Variants in USH2A observed in about 807,000 individuals in gnomAD.
The protein encoded by USH2A is Usher syndrome 2A (autosomal recessive, mild).
In USH2A, 443 loss-of-function variants were observed where a neutral mutation model predicts 538.9. That is an observed-to-expected ratio of 0.82 (90% CI 0.76 to 0.89). The LOEUF is 0.89. Ranked by LOEUF, USH2A falls within the 40% of genes least tolerant of loss-of-function variation. USH2A has a pLI of 0.00. For synonymous variants in USH2A, 2,413 were observed against 2,273.5 expected (o/e 1.06, Z -1.75); for missense variants, 6,633 against 6,324.8 (o/e 1.05, Z -1.65).
At chr1:216,165,267 A>G (rs929203424) in intron 21 of USH2A, among the ~76,000 whole-genome samples, 2 of 152,150 alleles carry the variant, frequency 1.3e-5, no homozygotes, top group Non-Finnish European at 2.9e-5. Context: ...AAAAGTGTCA[A>G]AATATTCATT....
intron 41 of USH2A, among the ~76,000 whole-genome samples, chr1:215,886,249 T>G (rs1665052942): frequency 6.6e-6 from 1 of 152,208 alleles, no homozygotes. Context: ...ATATAAAATA[T>G]TTTCTATTTG....
In USH2A at chr1:215,673,950, T is replaced by A. The variant is rs1657905264; in HGVS notation, c.13811+150A>T. 2.9e-6 allele frequency: 4 copies of A among 1,356,042 alleles called. No individual in the cohort carries two copies. In the Admixed American group the frequency reaches 5.5e-5, roughly 19 times the overall value. 84.0% of individuals were successfully genotyped at this position (1,356,042 alleles called of 1,614,324 possible). On this transcript the variant is annotated intron_variant, in intron 63 of 71. Coordinates refer to ENST00000307340, the MANE Select transcript of USH2A (RefSeq NM_206933.4). ...AGCAGGCTTTGCTTGGGTGAGGATG[T>A]GCTTTGTCTACTATGCACGTTTAGG...
At chr1:215,917,806 A>C in intron 38 of USH2A, among the ~76,000 whole-genome samples, 1 of 122,308 alleles carries the variant, frequency 8.2e-6, no homozygotes, top group African/African-American at 3.1e-5. Flanking sequence ...AAAAAAAAAA[A>C]TACAAAATTA....
intron 21 of USH2A, among the ~76,000 whole-genome samples, chr1:216,108,109 T>A (rs1283185821): frequency 1.3e-5 from 2 of 151,834 alleles, no homozygotes; most frequent in Non-Finnish European, 3.0e-5. Context: ...CACACTTGAG[T>A]TATTATTGGT....
intron 20 of USH2A, among the ~76,000 whole-genome samples, chr1:216,183,980 G>C (rs536408895): frequency 6.6e-6 from 1 of 152,070 alleles, no homozygotes; most frequent in South Asian, 2.1e-4. Context: ...AATAATTTCT[G>C]TTGAAAGAGC....
intron 4 of USH2A, among the ~76,000 whole-genome samples, chr1:216,347,655 T>G (rs2038204842): frequency 6.6e-6 from 1 of 152,188 alleles, no homozygotes; most frequent in Non-Finnish European, 1.5e-5. Context: ...TGACTTAGTG[T>G]ACATTATCAG....
intron 3 of USH2A, among the ~76,000 whole-genome samples, chr1:216,416,640 T>G (rs2039581549): frequency 6.6e-6 from 1 of 152,130 alleles, no homozygotes; most frequent in Non-Finnish European, 1.5e-5. Context: ...TGACATGTAT[T>G]GAAATGATAA....
rs1229367082 is a variant in USH2A at position 215,999,010 on chromosome 1, TA to T, written c.6533del (p.Leu2178TyrfsTer51). 1 of 1,612,794 alleles carries T rather than the reference TA, an allele frequency of 6.2e-7. No individual in the cohort carries two copies. Among genetic ancestry groups the T allele is most frequent in the Admixed American group, 1.7e-5 (1 of 59,960 alleles). On this transcript the variant is annotated frameshift_variant, in exon 34 of 72. Transcript: ENST00000307340. LOFTEE classifies it high-confidence loss of function. ...KISGILERYV[L>X]YMSNHTHDFT... is the part of the protein sequence containing the mutation. ...AATCATGTGTATGGTTTGACATATA[TA>T]ATACATAGCGTTCCAGAATCCCACT...
rs771552333 is a variant in USH2A, at chr1:216,190,288, A to G, written c.4331T>C (p.Ile1444Thr). Residue 1444 changes from isoleucine (I) to threonine (T), a missense_variant, in exon 20 of 72, where the codon ATT becomes ACT. Ile to Thr is a moderately conservative substitution (Grantham distance 89). Coordinates refer to ENST00000307340, the MANE Select transcript of USH2A (RefSeq NM_206933.4). The stretch of plus-strand genomic sequence containing the variant: ...ACAACCAACTGAATTGCAGAGAGTA[A>G]TAGTAAACTCATATATCCTATAAGG... ...LKPYRIYEFTITLCNSVGCVT... is the reference protein window; with the variant it reads ...LKPYRIYEFTTTLCNSVGCVT... 6.2e-7 allele frequency: 1 copy of G among 1,612,702 alleles called. No individual in the cohort carries two copies. Among genetic ancestry groups the G allele is most frequent in the South Asian group, 1.1e-5 (1 of 91,066 alleles).
chr1:216,343,320 T>G (rs2038111696), intron 4 of USH2A, among the ~76,000 whole-genome samples: 1 of 142,618 alleles, frequency 7.0e-6, no homozygotes, highest in South Asian at 2.2e-4. Flanking sequence ...GTGGCTGAGG[T>G]AGGAGGATTG....
Position 216,325,361 on chromosome 1 carries a change from T to C in USH2A, c.1087A>G (p.Thr363Ala), listed in dbSNP as rs1392342765. The C allele has an allele frequency of 2.5e-6, 4 of 1,613,820 alleles. No individual in the cohort carries two copies. The highest frequency in any genetic ancestry group is 1.7e-5 in the Admixed American group (1 of 59,966). ...SWVSNVFTNI[T>A]QLNQGVTISV... ...ATAGTCACTCCTTGATTAAGCTGTG[T>C]AATGTTTGTAAACACATTTGAAACC... The change falls in exon 6 of 72, where the codon ACA becomes GCA. Residue 363 changes from threonine to alanine, a missense_variant. Thr to Ala is a moderately conservative substitution (Grantham distance 58). Coordinates refer to ENST00000307340, the MANE Select transcript of USH2A (RefSeq NM_206933.4).
Position 215,647,553 on chromosome 1 carries a change from G to C in USH2A, c.14760C>G (p.Ser4920=), listed in dbSNP as rs778669346. ...VAHNEVGSTA[S]EWISFTTQKE... is the part of the protein sequence containing the mutation. ...TTTGGGTGGTGAAACTGATCCACTCGGAAGCCGTACTGCCCACCTCGTTGT... is the reference window on the plus strand; with the variant it reads ...TTTGGGTGGTGAAACTGATCCACTCCGAAGCCGTACTGCCCACCTCGTTGT... Residue 4920 remains serine (S), a synonymous_variant, in exon 67 of 72, where the codon TCC becomes TCG. Transcript: ENST00000307340. The C allele has an allele frequency of 4.3e-6, 7 of 1,614,046 alleles. 1 individual carries two copies. The South Asian group carries it at 7.7e-5, about 18-fold the overall frequency.
intron 61 of USH2A, among the ~76,000 whole-genome samples, chr1:215,724,302 CT>C (rs1659748575): frequency 6.6e-6 from 1 of 151,944 alleles, no homozygotes; most frequent in African/African-American, 2.4e-5. Flanking sequence ...GAAATCATGT[CT>C]TTTGCAGCAA....
chr1:215,751,780 T>C (rs929479734), intron 58 of USH2A, among the ~76,000 whole-genome samples: 2 of 152,156 alleles, frequency 1.3e-5, no homozygotes, highest in African/African-American at 4.8e-5. Context: ...GTTGTTTACA[T>C]TACCTAAAGG....
chr1:216,148,702 A>C (rs2033765274), intron 21 of USH2A, among the ~76,000 whole-genome samples: 1 of 151,728 alleles, frequency 6.6e-6, no homozygotes, highest in Non-Finnish European at 1.5e-5. Flanking sequence ...TTATCAACCA[A>C]ATTGTTTTGC....
At chr1:215,845,757 C>A (rs192011309) in intron 45 of USH2A, 67 bp downstream of exon 45, 10 of 1,550,438 alleles carry the variant, frequency 6.4e-6, no homozygotes, top group Admixed American at 1.7e-5. Context: ...CTGATCTCAA[C>A]CCCGGCAAGA....
intron 47 of USH2A, among the ~76,000 whole-genome samples, chr1:215,822,677 G>T (rs1663043097): frequency 6.6e-6 from 1 of 151,816 alleles, no homozygotes; most frequent in Admixed American, 6.6e-5. Flanking sequence ...GTGTAAGTGG[G>T]TATCCTTGTC....
intron 11 of USH2A, among the ~76,000 whole-genome samples, chr1:216,257,190 CT>C (rs2036276528): frequency 6.6e-6 from 1 of 151,798 alleles, no homozygotes; most frequent in African/African-American, 2.4e-5. Flanking sequence ...TGAAGGACTT[CT>C]TTTTAATGTG....
chr1:216,155,728 T>C (rs1482762728), intron 21 of USH2A, among the ~76,000 whole-genome samples: 1 of 152,196 alleles, frequency 6.6e-6, no homozygotes, highest in African/African-American at 2.4e-5. Flanking sequence ...CTCGGTTAAT[T>C]GATTTTGTTT....
Sources: gnomAD v4.1 joint callset for allele counts (sites outside exome capture counted in the v4.1 genomes callset) on GRCh38, gnomAD v4.1.1 for gene constraint, MANE v1.5 for transcripts, NCBI Gene and HGNC (gene_info 2026-07-23, HGNC 2026-07-21) for gene names.